Variants in KCTD8 observed in about 807,000 individuals in gnomAD.
KCTD8 encodes the protein BTB/POZ domain-containing protein KCTD8.
In KCTD8, 27 loss-of-function variants were observed where a neutral mutation model predicts 31.5. The observed-to-expected ratio is 0.86, with a 90% confidence interval of 0.63 to 1.18. The LOEUF is 1.18. Ranked by LOEUF, KCTD8 falls within the 50% of genes most tolerant of loss-of-function variation. The probability of loss-of-function intolerance (pLI) is 0.00; values close to 1 mark genes in which losing one functional copy is unlikely to be tolerated. For synonymous variants in KCTD8, 290 were observed against 280.0 expected (o/e 1.04, Z -0.36); for missense variants, 658 against 647.7 (o/e 1.02, Z -0.17).
At chr4:44,350,035 T>G (rs561881355) in intron 1 of KCTD8, among the ~76,000 whole-genome samples, 9 of 152,250 alleles carry the variant, frequency 5.9e-5, no homozygotes, top group African/African-American at 2.2e-4. Flanking sequence ...ATTTCCTCAT[T>G]AGCAAAATAA....
chr4:44,250,879 G>A (rs1245310552), intron 1 of KCTD8, among the ~76,000 whole-genome samples: 1 of 151,700 alleles, frequency 6.6e-6, no homozygotes, highest in Non-Finnish European at 1.5e-5. Context: ...TTTACTTAGT[G>A]TGTCTTGAGT....
intron 1 of KCTD8, among the ~76,000 whole-genome samples, chr4:44,283,025 TTTATTATTATTATTATTATTA>T (rs58754915): frequency 2.0e-4 from 27 of 136,296 alleles, no homozygotes; most frequent in Admixed American, 4.4e-4. Context: ...AACAACACAT[TTTATTATTATTATTATTATTA>T]TTATTATTAT....
intron 1 of KCTD8, among the ~76,000 whole-genome samples, chr4:44,308,709 A>G (rs1423886806): frequency 6.6e-6 from 1 of 152,126 alleles, no homozygotes; most frequent in Non-Finnish European, 1.5e-5. Context: ...TGTTAAAGAT[A>G]AAAACAAGAA....
At chr4:44,258,767 A>T (rs1716067916) in intron 1 of KCTD8, among the ~76,000 whole-genome samples, 1 of 151,898 alleles carries the variant, frequency 6.6e-6, no homozygotes, top group Non-Finnish European at 1.5e-5. Context: ...TGCTACTTAT[A>T]TTAACATATG....
intron 1 of KCTD8, among the ~76,000 whole-genome samples, chr4:44,445,269 C>T (rs1721911914): frequency 1.3e-5 from 2 of 152,010 alleles, no homozygotes; most frequent in Admixed American, 1.3e-4. Context: ...AATTTTACAT[C>T]CAACATTTAA....
At chr4:44,391,556 T>C (rs923705437) in intron 1 of KCTD8, among the ~76,000 whole-genome samples, 1 of 151,690 alleles carries the variant, frequency 6.6e-6, no homozygotes, top group Non-Finnish European at 1.5e-5. Context: ...ACATTTTCTC[T>C]TCTCTAGGCT....
At chr4:44,407,310 T>A (rs1325253335) in intron 1 of KCTD8, among the ~76,000 whole-genome samples, 2 of 152,074 alleles carry the variant, frequency 1.3e-5, no homozygotes, top group Admixed American at 1.3e-4. Context: ...AACTCCTAAA[T>A]CATCTCTATA....
chr4:44,352,853 A>G (rs1719248941), intron 1 of KCTD8, among the ~76,000 whole-genome samples: 1 of 151,950 alleles, frequency 6.6e-6, no homozygotes, highest in Non-Finnish European at 1.5e-5. Context: ...ACCACACTAG[A>G]ATTTTTGTAA....
chr4:44,221,029 C>T (rs983301838), intron 1 of KCTD8, among the ~76,000 whole-genome samples: 2 of 152,098 alleles, frequency 1.3e-5, no homozygotes, highest in Non-Finnish European at 2.9e-5. Flanking sequence ...GTCATCACTG[C>T]TGAATGCTGG....
At chr4:44,442,140 T>C (rs140277236) in intron 1 of KCTD8, among the ~76,000 whole-genome samples, 168 of 151,876 alleles carry the variant, frequency 1.1e-3, no homozygotes, top group African/African-American at 3.3e-3. Flanking sequence ...TAAGATTTTA[T>C]TGGCACTTAC....
At chr4:44,256,131 C>T (rs541515272) in intron 1 of KCTD8, among the ~76,000 whole-genome samples, 1 of 151,972 alleles carries the variant, frequency 6.6e-6, no homozygotes, top group Admixed American at 6.6e-5. Context: ...ACCATGAGAA[C>T]AGCAGGGGAA....
chr4:44,349,445 G>A (rs1719143297), intron 1 of KCTD8, among the ~76,000 whole-genome samples: 1 of 152,108 alleles, frequency 6.6e-6, no homozygotes. Context: ...CCAACATCGG[G>A]CAGGAATGAC....
chr4:44,248,472 G>T (rs2109360306), intron 1 of KCTD8, among the ~76,000 whole-genome samples: 1 of 150,630 alleles, frequency 6.6e-6, no homozygotes, highest in African/African-American at 2.4e-5. Flanking sequence ...AAGAAAGAAA[G>T]AAAGAAAAAC....
At chr4:44,176,262 G>T (rs981279692) in intron 1 of KCTD8, among the ~76,000 whole-genome samples, 3 of 152,288 alleles carry the variant, frequency 2.0e-5, no homozygotes, top group East Asian at 3.9e-4. Flanking sequence ...TTGCCCAGGG[G>T]TTCTATTGTG....
At chr4:44,404,939 T>C (rs934607423) in intron 1 of KCTD8, among the ~76,000 whole-genome samples, 1 of 152,170 alleles carries the variant, frequency 6.6e-6, no homozygotes, top group African/African-American at 2.4e-5. Flanking sequence ...TCATTAGCAA[T>C]ATTTGAAGTA....
At chr4:44,250,565 C>T (rs1057154804) in intron 1 of KCTD8, among the ~76,000 whole-genome samples, 6 of 151,786 alleles carry the variant, frequency 4.0e-5, no homozygotes, top group East Asian at 1.9e-4. Flanking sequence ...TCTGCACCCA[C>T]GGGGTCTGAT....
chr4:44,273,589 A>G (rs925903460), intron 1 of KCTD8, among the ~76,000 whole-genome samples: 25 of 151,954 alleles, frequency 1.6e-4, no homozygotes, highest in Admixed American at 1.2e-3. Context: ...CTAAATTCAA[A>G]AGAAAAATTT....
chr4:44,292,744 G>C (rs1190879172), intron 1 of KCTD8, among the ~76,000 whole-genome samples: 1 of 152,044 alleles, frequency 6.6e-6, no homozygotes, highest in Non-Finnish European at 1.5e-5. Context: ...TATCAAGTAA[G>C]ATTTAGTCTC....
chr4:44,297,364 C>T (rs1470513793), intron 1 of KCTD8, among the ~76,000 whole-genome samples: 1 of 152,052 alleles, frequency 6.6e-6, no homozygotes, highest in African/African-American at 2.4e-5. Flanking sequence ...ACTTTTTTGA[C>T]ATAACATGGT....
Sources: gnomAD v4.1 joint callset for allele counts (sites outside exome capture counted in the v4.1 genomes callset) on GRCh38, gnomAD v4.1.1 for gene constraint, MANE v1.5 for transcripts, NCBI Gene and HGNC (gene_info 2026-07-23, HGNC 2026-07-21) for gene names.